ADGRG6: variants seen among roughly 807,000 people sequenced by gnomAD.
ADGRG6 encodes the protein adhesion G protein-coupled receptor G6.
Under a neutral mutation model 142.4 loss-of-function variants are expected in ADGRG6, and 84 were observed. The observed-to-expected ratio is 0.59, with a 90% CI of 0.49 to 0.71. ADGRG6 has a LOEUF of 0.71. Among genes scored for constraint, ADGRG6 ranks in the 30% least tolerant of loss-of-function variants. The pLI is 0.00. For synonymous variants in ADGRG6, 521 were observed against 520.5 expected (o/e 1.00, Z -0.01); for missense variants, 1,367 against 1,466.6 (o/e 0.93, Z 1.11).
In ADGRG6 at chr6:142,402,027, C is replaced by T; in HGVS notation, c.1713C>T (p.Tyr571=). Residue 571 remains tyrosine (Y), a synonymous_variant, in exon 12 of 25, where the codon TAC becomes TAT. Coordinates refer to ENST00000367609, the MANE Select transcript of ADGRG6 (RefSeq NM_198569.3). Reference sequence around the variant, plus strand: ...ATGCTACCAACCCATTGGTAACCTACTGGGGACCTGTTGATATCTCCAACT... The same window carrying T: ...ATGCTACCAACCCATTGGTAACCTATTGGGGACCTGTTGATATCTCCAACT... ...FYNATNPLVT[Y]WGPVDISNCL... 6.4e-7 allele frequency: 1 copy of T among 1,559,110 alleles called. No individual in the cohort carries two copies. The highest frequency in any genetic ancestry group is 1.1e-5 in the South Asian group (1 of 86,958).
intron 19 of ADGRG6, 135 bp downstream of exon 19, chr6:142,415,231 A>G (rs898038143): frequency 1.4e-5 from 7 of 489,430 alleles, no homozygotes; most frequent in African/African-American, 1.4e-4. Context: ...GATAAAATAT[A>G]TTATGTAACA....
chr6:142,393,842 TTGA>T, intron 8 of ADGRG6, 51 bp from the exon 9 acceptor site: 1 of 1,080,300 alleles, frequency 9.3e-7, no homozygotes, highest in East Asian at 2.6e-5. Flanking sequence ...AATTTTATTG[TTGA>T]TGATGTAGTT....
At chr6:142,304,774 A>G (rs1191160055) in intron 1 of ADGRG6, among the ~76,000 whole-genome samples, 1 of 152,182 alleles carries the variant, frequency 6.6e-6, no homozygotes, top group Non-Finnish European at 1.5e-5. Flanking sequence ...TGTGGTATGC[A>G]TGGGCAAAAA....
Position 142,417,327 on chromosome 6 carries a change from T to A in ADGRG6, c.2993T>A (p.Val998Asp). 6.2e-7 allele frequency: 1 copy of A among 1,604,288 alleles called. No homozygotes were observed. Among genetic ancestry groups the A allele is most frequent in the Non-Finnish European group, 8.5e-7 (1 of 1,172,552 alleles). The change falls in exon 21 of 25, where the codon GTC (valine) becomes GAC (aspartate). Residue 998 changes from valine (V) to aspartate (D), a missense_variant. Physicochemically the swap from Val to Asp is radical, Grantham distance 152 (BLOSUM62 -3). Transcript: ENST00000367609. ...CTAGCGAGCAGAAACAACAATGAAG[T>A]CTATGGAAAAGAAAGTTATGGGAAA... ...VVLASRNNNE[V>D]YGKESYGKEK...
At chr6:142,370,909 T>A (rs147132251) in intron 4 of ADGRG6, 116 bp downstream of exon 4, 2 of 977,502 alleles carry the variant, frequency 2.0e-6, no homozygotes, top group Non-Finnish European at 3.1e-6. Context: ...TTCACACATA[T>A]AGACATATAT....
chr6:142,370,228 G>C lies in ADGRG6; in HGVS notation c.504G>C (p.Gln168His). 1 of 1,609,536 alleles carries C rather than the reference G, an allele frequency of 6.2e-7. No homozygotes were observed. The highest frequency in any genetic ancestry group is 8.5e-7 in the Non-Finnish European group (1 of 1,176,010). Residue 168 changes from glutamine (Q) to histidine (H), a missense_variant, in exon 4 of 25, where the codon CAG becomes CAC. Gln to His is a conservative substitution (Grantham distance 24). Transcript: ENST00000367609. ...VILPQTSDAY[Q>H]VSVAKSISIP... ...TACCCCAGACATCAGATGCTTACCAGGTATCTGTTGCAAAAAGCATCTCTA... is the reference window on the plus strand; with the variant it reads ...TACCCCAGACATCAGATGCTTACCACGTATCTGTTGCAAAAAGCATCTCTA...
chr6:142,365,505 G>A (rs1780905167), intron 2 of ADGRG6, among the ~76,000 whole-genome samples: 1 of 152,114 alleles, frequency 6.6e-6, no homozygotes, highest in Admixed American at 6.5e-5. Flanking sequence ...AGTGGAAGAA[G>A]ATTTACAATA....
In ADGRG6 at chr6:142,318,665, C is replaced by G. The variant is rs186836597; in HGVS notation, c.103+9021C>G. ...TTAAAACTGTGTCTTCTGATGACAA[C>G]AGAAAGGGAGAATATGGAGAATGGA... is the stretch of plus-strand genomic sequence containing the variant. On this transcript the variant is annotated intron_variant, in intron 2 of 24. Coordinates refer to ENST00000367609, the MANE Select transcript of ADGRG6 (RefSeq NM_198569.3). Among the ~76,000 whole-genome samples the G allele has an allele frequency of 3.3e-5, 5 of 151,510 alleles. No individual in the cohort carries two copies. The East Asian group carries it at 9.7e-4, about 29-fold the overall frequency.
At chr6:142,349,064 A>C (rs1434167220) in intron 2 of ADGRG6, among the ~76,000 whole-genome samples, 2 of 152,242 alleles carry the variant, frequency 1.3e-5, no homozygotes, top group African/African-American at 4.8e-5. Context: ...CAATCTAGTT[A>C]GGTGGTGAGT....
intron 2 of ADGRG6, among the ~76,000 whole-genome samples, 177 bp from the exon 3 acceptor site, chr6:142,367,392 C>T (rs1780992880): frequency 6.6e-6 from 1 of 152,108 alleles, no homozygotes; most frequent in South Asian, 2.1e-4. Context: ...TTTTGTTGCT[C>T]TATTGATAAT....
Position 142,397,774 on chromosome 6 carries a change from T to A in ADGRG6, c.1567+19T>A, listed in dbSNP as rs1333493141. The A allele has an allele frequency of 1.9e-5, 28 of 1,487,290 alleles. No individual in the cohort carries two copies. Among genetic ancestry groups the A allele is most frequent in the Non-Finnish European group, 2.5e-5 (28 of 1,108,238 alleles). 92.1% of individuals were successfully genotyped at this position (1,487,290 alleles called of 1,614,324 possible). On this transcript the variant is annotated intron_variant, in intron 10 of 24. Coordinates refer to ENST00000367609, the MANE Select transcript of ADGRG6 (RefSeq NM_198569.3). Reference sequence around the variant, plus strand: ...CAACTGGGTAAGTGACTAATTTTTTTATAATATGCATTTTATACAACTGTA... The same window carrying A: ...CAACTGGGTAAGTGACTAATTTTTTAATAATATGCATTTTATACAACTGTA...
intron 15 of ADGRG6, among the ~76,000 whole-genome samples, chr6:142,406,945 G>A (rs1775834279): frequency 6.6e-6 from 1 of 152,048 alleles, no homozygotes; most frequent in African/African-American, 2.4e-5. Flanking sequence ...GTTTAGCCCT[G>A]CACTCTTAGA....
At chr6:142,436,068 C>T (rs1246272731) in intron 22 of ADGRG6, among the ~76,000 whole-genome samples, 1 of 152,174 alleles carries the variant, frequency 6.6e-6, no homozygotes, top group Middle Eastern at 3.4e-3. Context: ...AGGGGAGATA[C>T]AGCCCAGTGA....
chr6:142,394,747 A>AATTTTTAAAATACT (rs1775083313), intron 9 of ADGRG6, among the ~76,000 whole-genome samples: 1 of 151,932 alleles, frequency 6.6e-6, no homozygotes, highest in Admixed American at 6.6e-5. Context: ...ATACCTGGCT[A>AATTTTTAAAATACT]ATTTTTAAAA....
intron 23 of ADGRG6, chr6:142,438,000 T>C (rs1777568752): frequency 2.6e-6 from 1 of 379,600 alleles, no homozygotes; most frequent in Admixed American, 4.5e-5. Flanking sequence ...TTTGGGATAT[T>C]GAAAGTGAGA....
chr6:142,381,903 T>C (rs1781787669), intron 4 of ADGRG6, 48 bp from the exon 5 acceptor site: 3 of 1,151,852 alleles, frequency 2.6e-6, no homozygotes, highest in Non-Finnish European at 3.8e-6. Flanking sequence ...CTGGATAATA[T>C]CACTAAATCA....
chr6:142,396,550 CTTA>C (rs1422229509), intron 9 of ADGRG6, among the ~76,000 whole-genome samples: 1 of 152,100 alleles, frequency 6.6e-6, no homozygotes. Context: ...TACTATAATA[CTTA>C]TTAATATTCA....
At chr6:142,385,692 T>C (rs1045682539) in intron 6 of ADGRG6, among the ~76,000 whole-genome samples, 7 of 152,164 alleles carry the variant, frequency 4.6e-5, no homozygotes, top group African/African-American at 1.7e-4. Context: ...CCTGAAGCCT[T>C]TATTATCTTT....
chr6:142,408,296 G>T, intron 16 of ADGRG6, 27 bp downstream of exon 16: 1 of 1,511,890 alleles, frequency 6.6e-7, no homozygotes, highest in South Asian at 1.2e-5. Context: ...AATAGCATTT[G>T]GACAGAAGTG....
Sources: allele counts gnomAD v4.1 joint callset (sites outside exome capture counted in the v4.1 genomes callset), GRCh38; gene constraint gnomAD v4.1.1; transcripts MANE v1.5; gene names NCBI Gene and HGNC (gene_info 2026-07-23, HGNC 2026-07-21).